The following BCL2 variants were observed in gnomAD, a reference collection of about 807,000 sequenced individuals.
BCL2 encodes BCL2 apoptosis regulator, also known as apoptosis regulator Bcl-2.
BCL2 carries 1 observed loss-of-function variant against 14.2 expected under a neutral mutation model. The ratio of observed to expected loss-of-function variants is 0.07; its 90% CI spans 0.02 to 0.33. The LOEUF (loss-of-function observed/expected upper bound fraction) is 0.33. Among genes scored for constraint, BCL2 ranks in the 10% least tolerant of loss-of-function variants. BCL2 has a pLI of 0.99. For synonymous variants in BCL2, 151 were observed against 137.2 expected, an observed-to-expected ratio of 1.10 and a Z score of -0.70; for missense variants, 247 against 305.9, an observed-to-expected ratio of 0.81 and a Z score of 1.44.
chr18:63,247,323 C>T (rs933569388), intron 2 of BCL2, among the ~76,000 whole-genome samples: 3 of 151,800 alleles, frequency 2.0e-5, no homozygotes, highest in East Asian at 3.9e-4. Flanking sequence ...CTAAGCCTCC[C>T]GAGTAGCTGG....
At chr18:63,152,274 G>A (rs887168636) in intron 2 of BCL2, among the ~76,000 whole-genome samples, 1 of 152,208 alleles carries the variant, frequency 6.6e-6, no homozygotes, top group African/African-American at 2.4e-5. Flanking sequence ...CCAATGTGCT[G>A]CTCTGGGAGC....
intron 2 of BCL2, among the ~76,000 whole-genome samples, chr18:63,289,194 G>C (rs1393886525): frequency 6.6e-6 from 1 of 151,984 alleles, no homozygotes; most frequent in Non-Finnish European, 1.5e-5. Flanking sequence ...ACCTGGAAGA[G>C]GAAGAAGGAA....
intron 2 of BCL2, among the ~76,000 whole-genome samples, chr18:63,176,306 G>A (rs1489218706): frequency 6.6e-6 from 1 of 152,210 alleles, no homozygotes; most frequent in Admixed American, 6.5e-5. Flanking sequence ...TGACACTAGA[G>A]ACCCAGTGGG....
chr18:63,231,107 C>T (rs1331509946), intron 2 of BCL2, among the ~76,000 whole-genome samples: 1 of 151,860 alleles, frequency 6.6e-6, no homozygotes, highest in Admixed American at 6.6e-5. Context: ...TAATGTAATT[C>T]CCCACATTGG....
At chr18:63,197,896 A>T (rs1322691815) in intron 2 of BCL2, among the ~76,000 whole-genome samples, 4 of 152,176 alleles carry the variant, frequency 2.6e-5, no homozygotes, top group Admixed American at 1.3e-4. Context: ...TAAAACAAAC[A>T]GAGACTCCAG....
intron 2 of BCL2, among the ~76,000 whole-genome samples, chr18:63,214,540 C>G (rs1189321106): frequency 6.6e-6 from 1 of 152,030 alleles, no homozygotes; most frequent in East Asian, 1.9e-4. Flanking sequence ...ATGTGTTGTA[C>G]CATTTGAGCT....
At chr18:63,169,344 T>C (rs1162028757) in intron 2 of BCL2, among the ~76,000 whole-genome samples, 7 of 55,082 alleles carry the variant, frequency 1.3e-4, no homozygotes, top group African/African-American at 4.8e-4. Context: ...TTCCTTTCTT[T>C]CTTTCTTTCT....
intron 2 of BCL2, among the ~76,000 whole-genome samples, chr18:63,175,460 C>T (rs1443892066): frequency 6.6e-6 from 1 of 152,232 alleles, no homozygotes; most frequent in Non-Finnish European, 1.5e-5. Context: ...GACTAGGCTT[C>T]AGCCAGCTGT....
chr18:63,316,491 C>G (rs543709989), intron 2 of BCL2: 2 of 152,138 alleles, frequency 1.3e-5, no homozygotes, highest in African/African-American at 2.4e-5. Context: ...CAAAAATATT[C>G]TTTTCACCCT....
intron 2 of BCL2, among the ~76,000 whole-genome samples, chr18:63,147,528 G>A (rs914810253): frequency 1.3e-5 from 2 of 152,138 alleles, no homozygotes; most frequent in Admixed American, 1.3e-4. Flanking sequence ...TAGAAGCTAG[G>A]AATGTTCTTG....
chr18:63,127,219 C>A lies in BCL2; in HGVS notation c.*1406G>T. ...TCAATGCTTCTTTTAGGATTTGTGA[C>A]CCTCTCCAAAGTCATTTAAAGCCTT... On this transcript the variant is annotated 3_prime_UTR_variant, in exon 3 of 3. Coordinates refer to ENST00000333681, the MANE Select transcript of BCL2 (RefSeq NM_000633.3). 1 of 230,478 alleles carries A rather than the reference C, an allele frequency of 4.3e-6. No individual in the cohort carries two copies. 14.3% of individuals were successfully genotyped at this position (230,478 alleles called of 1,614,324 possible). A position where few individuals can be genotyped will look rare whatever the true frequency, so the allele number is the denominator to read the frequency against.
At chr18:63,259,111 A>C (rs1262212402) in intron 2 of BCL2, among the ~76,000 whole-genome samples, 1 of 152,182 alleles carries the variant, frequency 6.6e-6, no homozygotes, top group Non-Finnish European at 1.5e-5. Context: ...GCAGGCTGTG[A>C]CTTCCCTGGC....
chr18:63,132,905 T>G (rs1914107325), intron 2 of BCL2, among the ~76,000 whole-genome samples: 1 of 152,210 alleles, frequency 6.6e-6, no homozygotes, highest in African/African-American at 2.4e-5. Context: ...TCTATATATT[T>G]AGGAAGCTCT....
chr18:63,177,062 G>A (rs565406572), intron 2 of BCL2, among the ~76,000 whole-genome samples: 2 of 151,906 alleles, frequency 1.3e-5, no homozygotes, highest in Non-Finnish European at 2.9e-5. Flanking sequence ...GACCACAGGT[G>A]CACACCCCCA....
chr18:63,166,377 G>C (rs1915044653), intron 2 of BCL2, among the ~76,000 whole-genome samples: 1 of 152,176 alleles, frequency 6.6e-6, no homozygotes, highest in Non-Finnish European at 1.5e-5. Flanking sequence ...GGACGGGGCA[G>C]GGACGGCGTC....
rs750951587 is a variant in BCL2 at position 63,127,422 on chromosome 18, G to A, written c.*1203C>T. ...AGTGATACATGTCTTAAGAAGGGTC[G>A]TGGCTCCCATGCTCCACGTGAAAAC... is the stretch of plus-strand genomic sequence containing the variant. On this transcript the variant is annotated 3_prime_UTR_variant, in exon 3 of 3. Transcript: ENST00000333681. 3.0e-5 allele frequency: 7 copies of A among 235,872 alleles called. No homozygotes were observed. Among genetic ancestry groups the A allele is most frequent in the East Asian group, 2.4e-4 (4 of 17,006 alleles). 14.6% of individuals were successfully genotyped at this position (235,872 alleles called of 1,614,324 possible).
chr18:63,217,403 C>T (rs1463976212), intron 2 of BCL2, among the ~76,000 whole-genome samples: 1 of 152,136 alleles, frequency 6.6e-6, no homozygotes, highest in Non-Finnish European at 1.5e-5. Flanking sequence ...GACTGTCTTG[C>T]TGTTATTCCC....
At chr18:63,159,499 G>A (rs1398310206) in intron 2 of BCL2, among the ~76,000 whole-genome samples, 2 of 152,186 alleles carry the variant, frequency 1.3e-5, no homozygotes, top group Non-Finnish European at 2.9e-5. Flanking sequence ...ACTAGTACAA[G>A]TATGAATGTT....
Position 63,124,434 on chromosome 18 carries a change from C to G in BCL2, c.*4191G>C, listed in dbSNP as rs1254448064. On this transcript the variant is annotated 3_prime_UTR_variant, in exon 3 of 3. Transcript: ENST00000333681. Reference sequence around the variant, plus strand: ...GCTGATGTCTCTGGAATCTAAAGGTCGTACCACAAACTTCAAAATGTTTCT... The same window carrying G: ...GCTGATGTCTCTGGAATCTAAAGGTGGTACCACAAACTTCAAAATGTTTCT... The G allele has an allele frequency of 2.2e-5, 5 of 231,254 alleles. No individual in the cohort carries two copies. In the South Asian group the frequency reaches 9.1e-4, roughly 42 times the overall value. 14.3% of individuals were successfully genotyped at this position (231,254 alleles called of 1,614,324 possible). A position where few individuals can be genotyped will look rare whatever the true frequency, so the allele number is the denominator to read the frequency against.
Sources: gnomAD v4.1 joint callset for allele counts (sites outside exome capture counted in the v4.1 genomes callset) on GRCh38, gnomAD v4.1.1 for gene constraint, MANE v1.5 for transcripts, NCBI Gene and HGNC (gene_info 2026-07-23, HGNC 2026-07-21) for gene names.